Variants in CSMD3 observed in about 807,000 individuals in gnomAD.
CSMD3 encodes the protein CUB and sushi domain-containing protein 3.
CSMD3 carries 177 observed loss-of-function variants against 435.2 expected under a neutral mutation model. That is an observed-to-expected ratio of 0.41 (90% CI 0.36 to 0.46). The LOEUF is 0.46. CSMD3 is among the 20% of genes least tolerant of loss of function. The pLI, the probability that CSMD3 is intolerant of heterozygous loss-of-function variation, is 0.34. For missense variants in CSMD3, 4,265 were observed against 4,504.6 expected (o/e 0.95, Z 1.52); for synonymous variants, 1,656 against 1,520.5 (o/e 1.09, Z -2.07).
At chr8:112,319,708 T>C (rs1822810692) in intron 46 of CSMD3, among the ~76,000 whole-genome samples, 193 bp downstream of exon 46, 1 of 152,152 alleles carries the variant, frequency 6.6e-6, no homozygotes, top group South Asian at 2.1e-4. Context: ...AAAAACAAAA[T>C]TAATTTTTCT....
At chr8:113,413,440 T>C (rs912747144) in intron 1 of CSMD3, among the ~76,000 whole-genome samples, 2 of 152,098 alleles carry the variant, frequency 1.3e-5, no homozygotes, top group Non-Finnish European at 2.9e-5. Flanking sequence ...ATAAAGAAAG[T>C]CAAGGTATTT....
At chr8:112,778,159 C>G (rs1360889427) in intron 13 of CSMD3, among the ~76,000 whole-genome samples, 2 of 151,748 alleles carry the variant, frequency 1.3e-5, no homozygotes, top group African/African-American at 4.8e-5. Context: ...CCCCAACTAC[C>G]AACATCCCAC....
chr8:112,476,408 C>T (rs1266624680), intron 31 of CSMD3, among the ~76,000 whole-genome samples: 2 of 152,090 alleles, frequency 1.3e-5, no homozygotes, highest in Non-Finnish European at 2.9e-5. Flanking sequence ...ATGGTTCTAT[C>T]ATTAAGTAAG....
chr8:112,818,792 C>T (rs231282), intron 12 of CSMD3, among the ~76,000 whole-genome samples: 44,384 of 152,044 alleles, frequency 0.29, 6,754 homozygotes, highest in Non-Finnish European at 0.32. Flanking sequence ...CCTGCAGTAG[C>T]TTCCAGACAA....
At chr8:113,099,083 G>A (rs72685825) in intron 4 of CSMD3, 120 bp from the exon 5 acceptor site, 82,634 of 713,656 alleles carry the variant, frequency 0.12, 5,409 homozygotes, top group Middle Eastern at 0.18. Flanking sequence ...GATACCAAGT[G>A]CATAATATAC....
chr8:112,369,290 G>C (rs897747722), intron 38 of CSMD3, among the ~76,000 whole-genome samples: 3 of 151,930 alleles, frequency 2.0e-5, no homozygotes, highest in Non-Finnish European at 2.9e-5. Flanking sequence ...TTTTAGATTT[G>C]TTTAATGCTT....
At chr8:112,326,685 G>C (rs192369729) in intron 45 of CSMD3, among the ~76,000 whole-genome samples, 13 of 152,078 alleles carry the variant, frequency 8.5e-5, no homozygotes, top group Non-Finnish European at 1.8e-4. Flanking sequence ...TTCCCAGAAC[G>C]TATCTAACCA....
At position 112,987,181 on chromosome 8, in the gene CSMD3, A is replaced by G. The variant is rs567389255; in HGVS notation, c.1031-11033T>C. Among the ~76,000 whole-genome samples, 119 of 152,182 alleles carry G rather than the reference A, an allele frequency of 7.8e-4. 1 individual carries two copies. The highest frequency in any genetic ancestry group is 2.8e-3 in the African/African-American group (115 of 41,574). On this transcript the variant is annotated intron_variant, in intron 6 of 70. Coordinates refer to ENST00000297405, the MANE Select transcript of CSMD3 (RefSeq NM_198123.2). The stretch of plus-strand genomic sequence containing the variant: ...TTTAATCATTAGTGTAGTTTTAAAT[A>G]TCTAATAGTTTTATATCCACCCAGA...
chr8:112,492,417 C>G (rs189775070), intron 31 of CSMD3, 72 bp downstream of exon 31: 1 of 1,203,356 alleles, frequency 8.3e-7, no homozygotes, highest in African/African-American at 1.5e-5. Context: ...TGTTCTGAAA[C>G]ACAGAAATGT....
chr8:112,412,829 G>A (rs1400376416), intron 32 of CSMD3, among the ~76,000 whole-genome samples: 1 of 152,226 alleles, frequency 6.6e-6, no homozygotes, highest in East Asian at 1.9e-4. Context: ...TACAGATAGG[G>A]TCCCTGCTCT....
At chr8:112,739,830 G>A (rs2077264451) in intron 13 of CSMD3, among the ~76,000 whole-genome samples, 1 of 151,730 alleles carries the variant, frequency 6.6e-6, no homozygotes, top group African/African-American at 2.4e-5. Context: ...AATATTAAAT[G>A]TTAATAATCC....
chr8:112,638,704 G>A lies in CSMD3; in HGVS notation c.3518C>T (p.Thr1173Ile), dbSNP rs796594955. 7 of 1,576,352 alleles carry A rather than the reference G, an allele frequency of 4.4e-6. No homozygotes were observed. Among genetic ancestry groups the A allele is most frequent in the Admixed American group, 1.7e-5 (1 of 59,696 alleles). The change falls in exon 21 of 71, where the codon ACA becomes ATA. Residue 1173 changes from threonine to isoleucine, a missense_variant. Coordinates refer to ENST00000297405, the MANE Select transcript of CSMD3 (RefSeq NM_198123.2). ...FSISYEGFNITFSEYNLEPCE... is the reference protein window; with the variant it reads ...FSISYEGFNIIFSEYNLEPCE... ...GTTTTTTATTTTCTCACCAGAGAAT[G>A]TTATGTTAAATCCTTCATATGATAT... is the stretch of plus-strand genomic sequence containing the variant.
At chr8:112,918,237 C>A (rs1022036848) in intron 10 of CSMD3, among the ~76,000 whole-genome samples, 5 of 151,738 alleles carry the variant, frequency 3.3e-5, no homozygotes, top group Admixed American at 6.6e-5. Flanking sequence ...TGAATAATAA[C>A]AATTTCATGC....
chr8:113,418,037 A>G (rs1167164749), intron 1 of CSMD3, among the ~76,000 whole-genome samples: 1 of 152,146 alleles, frequency 6.6e-6, no homozygotes, highest in Non-Finnish European at 1.5e-5. Context: ...AATTTAAAAC[A>G]GCCAACATTT....
At chr8:113,016,408 G>A (rs1378985265) in intron 6 of CSMD3, among the ~76,000 whole-genome samples, 2 of 151,762 alleles carry the variant, frequency 1.3e-5, no homozygotes, top group African/African-American at 4.8e-5. Flanking sequence ...ACAGCAGTGT[G>A]TGTCTATGTA....
intron 40 of CSMD3, among the ~76,000 whole-genome samples, chr8:112,346,668 C>CTTTTTTTTTTTTTTTTTTTTTTTT (rs1563820913): frequency 7.7e-6 from 1 of 129,222 alleles, no homozygotes. Context: ...CCCTCCTTTT[C>CTTTTTTTTTTTTTTTTTTTTTTTT]CTTTTTTTTT....
At chr8:112,754,039 G>A (rs2077634990) in intron 13 of CSMD3, among the ~76,000 whole-genome samples, 1 of 152,198 alleles carries the variant, frequency 6.6e-6, no homozygotes, top group Non-Finnish European at 1.5e-5. Context: ...AATGCAAGGT[G>A]CACATGCAGA....
At chr8:113,371,294 T>C in intron 1 of CSMD3, among the ~76,000 whole-genome samples, 1 of 152,110 alleles carries the variant, frequency 6.6e-6, no homozygotes, top group East Asian at 1.9e-4. Context: ...AGCTACTTAA[T>C]AAACTTTAAG....
At chr8:112,417,251 C>A (rs562091325) in intron 32 of CSMD3, among the ~76,000 whole-genome samples, 1 of 152,256 alleles carries the variant, frequency 6.6e-6, no homozygotes, top group African/African-American at 2.4e-5. Context: ...GTTAAGCATT[C>A]AATTTCTGGA....
Sources: allele counts gnomAD v4.1 joint callset (sites outside exome capture counted in the v4.1 genomes callset), GRCh38; gene constraint gnomAD v4.1.1; transcripts MANE v1.5; gene names NCBI Gene and HGNC (gene_info 2026-07-23, HGNC 2026-07-21).